The following LRP3 variants were observed in gnomAD, a reference collection of about 807,000 sequenced individuals.
LRP3 encodes LDL receptor related protein 3.
Under a neutral mutation model 58.5 loss-of-function variants are expected in LRP3, and 49 were observed. The observed-to-expected ratio is 0.84, with a 90% CI of 0.67 to 1.06. The LOEUF is 1.06. Ranked by LOEUF, LRP3 falls within the 50% of genes least tolerant of loss-of-function variation. The probability of loss-of-function intolerance (pLI) is 0.00; values close to 1 mark genes in which losing one functional copy is unlikely to be tolerated. For synonymous variants in LRP3, 485 were observed against 492.2 expected, an observed-to-expected ratio of 0.99 and a Z score of 0.20; for missense variants, 1,019 against 1,134.2, an observed-to-expected ratio of 0.90 and a Z score of 1.46.
At chr19:33,200,002 C>T (rs528103749) in intron 2 of LRP3, among the ~76,000 whole-genome samples, 2 of 152,310 alleles carry the variant, frequency 1.3e-5, no homozygotes, top group African/African-American at 4.8e-5. Flanking sequence ...TGCCCCTGGC[C>T]TTGTCCTCCA....
At position 33,207,752 on chromosome 19, in the gene LRP3, C is replaced by CGG. The variant is rs36039555; in HGVS notation, c.*183_*184dup. 7.6e-3 allele frequency: 4,278 copies of CGG among 563,176 alleles called. 24 individuals carry two copies. Among genetic ancestry groups the CGG allele is most frequent in the Non-Finnish European group, 0.01 (3,368 of 323,680 alleles). 34.9% of individuals were successfully genotyped at this position (563,176 alleles called of 1,614,324 possible). A position where few individuals can be genotyped will look rare whatever the true frequency, so the allele number is the denominator to read the frequency against. ...GGGCGGGAGCTGTGGGACTGAACGGCGGGGGGGAGAAGAGTGGAGTGGTGA... is the reference window on the plus strand; with the variant it reads ...GGGCGGGAGCTGTGGGACTGAACGGCGGGGGGGGGAGAAGAGTGGAGTGGTGA... On this transcript the variant is annotated 3_prime_UTR_variant, in exon 7 of 7. Transcript: ENST00000253193.
rs531096719 is a variant in LRP3, at chr19:33,207,251, C to T, written c.1989C>T (p.Ala663=). The part of the protein sequence containing the change: ...PLMDTGSTRA[A]GDRPPSAPGR... Reference sequence around the variant, plus strand: ...TGGACACAGGCAGCACCAGGGCGGCCGGAGACAGGCCCCCCAGTGCCCCCG... The same window carrying T: ...TGGACACAGGCAGCACCAGGGCGGCTGGAGACAGGCCCCCCAGTGCCCCCG... Residue 663 remains alanine (A), a synonymous_variant, in exon 7 of 7, where the codon GCC becomes GCT. Transcript: ENST00000253193. The T allele has an allele frequency of 5.2e-5, 81 of 1,554,376 alleles. No homozygotes were observed. The highest frequency in any genetic ancestry group is 3.0e-4 in the African/African-American group (22 of 74,170).
intron 2 of LRP3, among the ~76,000 whole-genome samples, chr19:33,198,940 T>C (rs2145449413): frequency 6.6e-6 from 1 of 152,302 alleles, no homozygotes; most frequent in South Asian, 2.1e-4. Flanking sequence ...CCTTGCAGTG[T>C]CCTCTCAGGA....
chr19:33,204,484 A>G, intron 3 of LRP3, 154 bp from the exon 4 acceptor site: 1 of 654,490 alleles, frequency 1.5e-6, no homozygotes, highest in East Asian at 2.6e-5. Context: ...GAGTGGAGGA[A>G]CCAGGCAGTC....
Position 33,207,222 on chromosome 19 carries a change from C to G in LRP3, c.1960C>G (p.Leu654Val), listed in dbSNP as rs768236199. 3.8e-6 allele frequency: 6 copies of G among 1,561,880 alleles called. No individual in the cohort carries two copies. The Admixed American group carries it at 9.4e-5, about 24-fold the overall frequency. The change falls in exon 7 of 7, where the codon CTC becomes GTC. Residue 654 changes from leucine to valine, a missense_variant. Transcript: ENST00000253193. ...PGAAPDPPAP[L>V]MDTGSTRAAG... ...GGCTGCCCCCGACCCCCCAGCACCG[C>G]TCATGGACACAGGCAGCACCAGGGC...
chr19:33,196,635 C>T, intron 1 of LRP3, 95 bp from the exon 2 acceptor site: 1 of 1,160,910 alleles, frequency 8.6e-7, no homozygotes, highest in Admixed American at 1.7e-5. Flanking sequence ...GACCAGCGGG[C>T]CAGCCTTGGG....
intron 1 of LRP3, 146 bp downstream of exon 1, chr19:33,195,004 C>A: frequency 3.9e-6 from 1 of 254,270 alleles, no homozygotes; most frequent in Non-Finnish European, 6.5e-6. Flanking sequence ...GGGCCAGCAC[C>A]GCTTGCCCGC....
chr19:33,207,400 C>A lies in LRP3; in HGVS notation c.2138C>A (p.Pro713His). 6.3e-7 allele frequency: 1 copy of A among 1,588,498 alleles called. No individual in the cohort carries two copies. Among genetic ancestry groups the A allele is most frequent in the East Asian group, 2.3e-5 (1 of 43,946 alleles). Residue 713 changes from proline to histidine, a missense_variant, in exon 7 of 7, where the codon CCT becomes CAT. Physicochemically the swap from Pro to His is moderately conservative, Grantham distance 77 (BLOSUM62 -2). Around this residue, in one of 2 missense-constraint regions of LRP3, gnomAD observed 427 missense variants for 408.6 expected, o/e 1.04. Coordinates refer to ENST00000253193, the MANE Select transcript of LRP3 (RefSeq NM_002333.4). ...GAGCCACTGGTAGACGGCCCAGCTC[C>A]TGCAGATGCACCTCGGGAGCCCTGC... is the stretch of plus-strand genomic sequence containing the variant. ...CREPLVDGPA[P>H]ADAPREPCSA...
chr19:33,199,940 G>C (rs1974324538), intron 2 of LRP3, among the ~76,000 whole-genome samples: 1 of 152,230 alleles, frequency 6.6e-6, no homozygotes, highest in South Asian at 2.1e-4. Flanking sequence ...GTCTATGTCT[G>C]TCCCCTAGGG....
At chr19:33,194,894 C>A in intron 1 of LRP3, 36 bp downstream of exon 1, 1 of 1,062,802 alleles carries the variant, frequency 9.4e-7, no homozygotes, top group Non-Finnish European at 1.2e-6. Context: ...GGTCCGGGTC[C>A]CCCGCATGGC....
intron 2 of LRP3, among the ~76,000 whole-genome samples, chr19:33,197,589 C>T (rs7255462): frequency 0.68 from 103,533 of 152,128 alleles, 36,083 homozygotes; most frequent in Middle Eastern, 0.77. Flanking sequence ...ACGGCTCCAC[C>T]GTGCTCCAGC....
At position 33,207,649 on chromosome 19, in the gene LRP3, C is replaced by T. The variant is rs1974440947; in HGVS notation, c.*74C>T. ...ATACACAGTCATTTCTACCCTGCCT[C>T]TGCGTCCTTTCTTATGGAGAGGCCC... On this transcript the variant is annotated 3_prime_UTR_variant, in exon 7 of 7. Coordinates refer to ENST00000253193, the MANE Select transcript of LRP3 (RefSeq NM_002333.4). 1.6e-6 allele frequency: 2 copies of T among 1,213,704 alleles called. No individual in the cohort carries two copies. Among genetic ancestry groups the T allele is most frequent in the East Asian group, 2.3e-5 (1 of 42,816 alleles). The allele number at this position is 1,213,704 out of a possible 1,614,324, so 75.2% of individuals were successfully genotyped here. A position where few individuals can be genotyped will look rare whatever the true frequency, so the allele number is the denominator to read the frequency against.
At chr19:33,202,331 A>G (rs1974349726) in intron 2 of LRP3, among the ~76,000 whole-genome samples, 1 of 152,190 alleles carries the variant, frequency 6.6e-6, no homozygotes, top group Admixed American at 6.5e-5. Flanking sequence ...AGTTCCATAG[A>G]GCAGGCCTTA....
rs1381796959 is a variant in LRP3 at position 33,205,551 on chromosome 19, T to C, written c.781T>C (p.Phe261Leu). The part of the protein sequence containing the change: ...DLACGRRLGS[F>L]YGSFASPDLF... The stretch of plus-strand genomic sequence containing the variant: ...GGCGTGCGGCCGGCGGCTGGGCAGC[T>C]TCTACGGCTCCTTTGCCTCCCCAGA... The change falls in exon 5 of 7, where the codon TTC becomes CTC. Residue 261 changes from phenylalanine (F) to leucine (L), a missense_variant. This residue lies in a region of LRP3 where 592 missense variants were observed against 725.5 expected (regional missense o/e 0.82). Coordinates refer to ENST00000253193, the MANE Select transcript of LRP3 (RefSeq NM_002333.4). 1 of 1,599,066 alleles carries C rather than the reference T, an allele frequency of 6.3e-7. No homozygotes were observed. The highest frequency in any genetic ancestry group is 2.2e-5 in the East Asian group (1 of 44,476).
intron 2 of LRP3, among the ~76,000 whole-genome samples, chr19:33,197,917 G>A (rs886142295): frequency 2.0e-5 from 3 of 152,176 alleles, no homozygotes; most frequent in Non-Finnish European, 4.4e-5. Context: ...TCAGGAGCCC[G>A]GCCTCCTCTG....
rs1340011696 is a variant in LRP3 at position 33,208,601 on chromosome 19, C to T, written c.*1026C>T. The T allele has an allele frequency of 4.2e-6, 2 of 481,462 alleles. No individual in the cohort carries two copies. The highest frequency in any genetic ancestry group is 4.1e-5 in the East Asian group (1 of 24,390). The allele number at this position is 481,462 out of a possible 1,614,324, so 29.8% of individuals were successfully genotyped here. ...CTTCCTGGCCAGCAACATGTGTGCACCCACCGAGGTACGCCCCAGCCACTC... is the reference window on the plus strand; with the variant it reads ...CTTCCTGGCCAGCAACATGTGTGCATCCACCGAGGTACGCCCCAGCCACTC... On this transcript the variant is annotated 3_prime_UTR_variant, in exon 7 of 7. Transcript: ENST00000253193. This position sits in a 1 kb window ranked among gnomAD's most constrained non-coding sequence, Gnocchi z 4.7.
rs373619318 is a variant in LRP3, at chr19:33,207,517, C to T, written c.2255C>T (p.Pro752Leu). 3.1e-5 allele frequency: 50 copies of T among 1,604,332 alleles called. No individual in the cohort carries two copies. The highest frequency in any genetic ancestry group is 4.4e-5 in the South Asian group (4 of 90,754). The change falls in exon 7 of 7, where the codon CCG (proline) becomes CTG (leucine). Residue 752 changes from proline (P) to leucine (L), a missense_variant. By Grantham distance (98) the Pro-to-Leu change is moderately conservative. Around this residue, in one of 2 missense-constraint regions of LRP3, gnomAD observed 427 missense variants for 408.6 expected, o/e 1.04. Coordinates refer to ENST00000253193, the MANE Select transcript of LRP3 (RefSeq NM_002333.4). ...CCACTGGGGGTCTGCAGGAACCCCC[C>T]GCCCCCCTGCTCCCCAATGCTGGAG... ...PEPLGVCRNPPPPCSPMLEAS... is the reference protein window; with the variant it reads ...PEPLGVCRNPLPPCSPMLEAS...
Position 33,207,511 on chromosome 19 carries a change from AC to A in LRP3, c.2255del (p.Pro752ArgfsTer26). 2.5e-6 allele frequency: 4 copies of A among 1,599,090 alleles called. No homozygotes were observed. The stretch of plus-strand genomic sequence containing the variant: ...CCAGAGCCACTGGGGGTCTGCAGGA[AC>A]CCCCCGCCCCCCTGCTCCCCAATGC... ...HSPEPLGVCR[N>X]PPPPCSPMLE... On this transcript the variant is annotated frameshift_variant, in exon 7 of 7. Transcript: ENST00000253193. LOFTEE classifies it high-confidence loss of function.
At chr19:33,204,433 T>TA in intron 3 of LRP3, 2 of 605,848 alleles carry the variant, frequency 3.3e-6, no homozygotes, top group Non-Finnish European at 2.9e-6. Flanking sequence ...GAGCCTCCCG[T>TA]GCACACCTGG....
Sources: gnomAD v4.1 joint callset for allele counts (sites outside exome capture counted in the v4.1 genomes callset) on GRCh38, gnomAD v4.1.1 for gene constraint, gnomAD v4.1.1 regional missense constraint, Gnocchi (gnomAD v3.1) non-coding constraint, MANE v1.5 for transcripts, NCBI Gene and HGNC (gene_info 2026-07-23, HGNC 2026-07-21) for gene names.